Variants in JPT2 observed in about 807,000 individuals in gnomAD.
JPT2 encodes the protein Jupiter microtubule associated homolog 2.
Under a neutral mutation model 15.9 loss-of-function variants are expected in JPT2, and 9 were observed. That is an observed-to-expected ratio of 0.57 (90% confidence interval 0.34 to 0.99). The LOEUF is 0.99. JPT2 is among the 50% of genes least tolerant of loss of function. The pLI, the probability that JPT2 is intolerant of heterozygous loss-of-function variation, is 0.02. For synonymous variants in JPT2, 95 were observed against 91.7 expected, an observed-to-expected ratio of 1.04 and a Z score of -0.21; for missense variants, 267 against 252.1, an observed-to-expected ratio of 1.06 and a Z score of -0.40.
chr16:1,693,607 A>G (rs2037120258), intron 3 of JPT2, among the ~76,000 whole-genome samples: 1 of 152,158 alleles, frequency 6.6e-6, no homozygotes, highest in African/African-American at 2.4e-5. Context: ...AGAGGACTGT[A>G]GGACATCAGT....
At chr16:1,695,337 G>A (rs1162195235) in intron 3 of JPT2, among the ~76,000 whole-genome samples, 2 of 151,892 alleles carry the variant, frequency 1.3e-5, no homozygotes, top group East Asian at 1.9e-4. Context: ...CCCAGGAGGT[G>A]GAGGTTGCAG....
chr16:1,692,724 C>T (rs2037112751), intron 3 of JPT2, among the ~76,000 whole-genome samples: 1 of 152,168 alleles, frequency 6.6e-6, no homozygotes. Context: ...TAAGAAAGAC[C>T]AGGATTTATT....
chr16:1,690,424 A>G (rs1029274149), intron 2 of JPT2: 5 of 152,236 alleles, frequency 3.3e-5, no homozygotes, highest in African/African-American at 1.2e-4. Context: ...GCCTATATAA[A>G]TGAAACCCTA....
At position 1,700,494 on chromosome 16, in the gene JPT2, C is replaced by G. The variant is rs886802506; in HGVS notation, c.*1496C>G. On this transcript the variant is annotated 3_prime_UTR_variant, in exon 5 of 5. Transcript: ENST00000248098. ...ACTTCAGAAAAGCAGCAGCCATGTT[C>G]AGTCAGGCTCATGCTGCCTCACTGC... 9.9e-6 allele frequency: 2 copies of G among 202,248 alleles called. No homozygotes were observed. The highest frequency in any genetic ancestry group is 2.1e-5 in the Non-Finnish European group (2 of 93,286). The allele number at this position is 202,248 out of a possible 1,614,324, so 12.5% of individuals were successfully genotyped here. A position where few individuals can be genotyped will look rare whatever the true frequency, so the allele number is the denominator to read the frequency against.
chr16:1,700,098 C>T lies in JPT2; in HGVS notation c.*1100C>T, dbSNP rs2037170834. ...GAAAAAAGTCAATTGTTCAGGTACA[C>T]CAAAGAGGAAGAAGAGCTGTGGAGG... On this transcript the variant is annotated 3_prime_UTR_variant, in exon 5 of 5. Coordinates refer to ENST00000248098, the MANE Select transcript of JPT2 (RefSeq NM_144570.3). 1 of 454,870 alleles carries T rather than the reference C, an allele frequency of 2.2e-6. No homozygotes were observed. The highest frequency in any genetic ancestry group is 1.6e-5 in the South Asian group (1 of 64,508). The allele number at this position is 454,870 out of a possible 1,614,324, so 28.2% of individuals were successfully genotyped here.
intron 3 of JPT2, among the ~76,000 whole-genome samples, chr16:1,693,221 C>T (rs191087377): frequency 1.5e-3 from 232 of 152,242 alleles, no homozygotes; most frequent in Admixed American, 4.1e-3. Flanking sequence ...CTCAGCGTCC[C>T]GAGTAGCCAG....
At chr16:1,690,515 A>G (rs1013587654) in intron 2 of JPT2, 2 of 152,212 alleles carry the variant, frequency 1.3e-5, no homozygotes, top group South Asian at 2.1e-4. Flanking sequence ...TTACACATGA[A>G]TAAACTCTCT....
At chr16:1,696,132 G>A (rs1203326463) in intron 3 of JPT2, among the ~76,000 whole-genome samples, 1 of 152,156 alleles carries the variant, frequency 6.6e-6, no homozygotes, top group African/African-American at 2.4e-5. Context: ...GGAAGACTGA[G>A]GCAGAAGAAT....
chr16:1,697,922 G>C, intron 4 of JPT2, 62 bp downstream of exon 4: 1 of 1,451,960 alleles, frequency 6.9e-7, no homozygotes, highest in South Asian at 1.2e-5. Flanking sequence ...AGAGTTGCTA[G>C]TCTCTCCTCT....
chr16:1,690,533 A>G (rs1023686565), intron 2 of JPT2: 5 of 152,238 alleles, frequency 3.3e-5, no homozygotes, highest in Non-Finnish European at 5.9e-5. Context: ...TCTTTAAGTT[A>G]AATAAATCAA....
chr16:1,683,689 C>T (rs963109606), intron 1 of JPT2: 6 of 851,368 alleles, frequency 7.0e-6, no homozygotes, highest in Admixed American at 4.6e-5. Flanking sequence ...TGCTTTATAG[C>T]AGGAGATCTG....
rs901031047 is a variant in JPT2 at position 1,697,699 on chromosome 16, A to G, written c.337-113A>G. ...GATTGGGGGGGTCCTGAGGTCAGAT[A>G]TACAAGCATTTTTGTAAATTAAAAG... On this transcript the variant is annotated intron_variant, in intron 3 of 4. Transcript: ENST00000248098. 8.5e-6 allele frequency: 8 copies of G among 942,142 alleles called. No homozygotes were observed. The African/African-American group carries it at 1.3e-4, about 15-fold the overall frequency. The allele number at this position is 942,142 out of a possible 1,614,324, so 58.4% of individuals were successfully genotyped here.
intron 3 of JPT2, chr16:1,692,244 C>T (rs1418432920): frequency 7.8e-6 from 4 of 511,880 alleles, no homozygotes; most frequent in African/African-American, 1.9e-5. Flanking sequence ...CGGGCTGTGG[C>T]GGCTCCTCAC....
chr16:1,684,957 A>G (rs899700869), intron 1 of JPT2, among the ~76,000 whole-genome samples: 1 of 152,016 alleles, frequency 6.6e-6, no homozygotes, highest in African/African-American at 2.4e-5. Flanking sequence ...AAAGAGCAGC[A>G]GAAGTAGTCT....
rs555094881 is a variant in JPT2 at position 1,694,141 on chromosome 16, A to G, written c.336+2156A>G. Among the ~76,000 whole-genome samples, 3 of 152,350 alleles carry G rather than the reference A, an allele frequency of 2.0e-5. No homozygotes were observed. In the South Asian group the frequency reaches 6.2e-4, roughly 32 times the overall value. Reference sequence around the variant, plus strand: ...TTTCTGGGATGTAAGTGAAGAAGGAATAAAGGAATTAGAATATCACTGTTT... The same window carrying G: ...TTTCTGGGATGTAAGTGAAGAAGGAGTAAAGGAATTAGAATATCACTGTTT... On this transcript the variant is annotated intron_variant, in intron 3 of 4. Coordinates refer to ENST00000248098, the MANE Select transcript of JPT2 (RefSeq NM_144570.3).
chr16:1,678,679 G>T, intron 1 of JPT2, among the ~76,000 whole-genome samples: 1 of 152,178 alleles, frequency 6.6e-6, no homozygotes, highest in Non-Finnish European at 1.5e-5. Flanking sequence ...CCCGCGTTCC[G>T]TGTGGTGCGT....
At chr16:1,697,949 CT>C in intron 4 of JPT2, 89 bp downstream of exon 4, 1 of 1,204,764 alleles carries the variant, frequency 8.3e-7, no homozygotes, top group Non-Finnish European at 1.2e-6. Context: ...GAAAAGGAGT[CT>C]TTCTTTGCAC....
chr16:1,680,307 AT>A, intron 1 of JPT2: 1 of 997,138 alleles, frequency 1.0e-6, no homozygotes, highest in Non-Finnish European at 1.2e-6. Flanking sequence ...GATGGTGTTT[AT>A]TATCACCCTG....
intron 2 of JPT2, chr16:1,688,300 T>C (rs1047049180): frequency 6.6e-6 from 1 of 152,192 alleles, no homozygotes; most frequent in Non-Finnish European, 1.5e-5. Context: ...GCAGAGCTAG[T>C]CGGTAGCAGA....
Sources: allele counts gnomAD v4.1 joint callset (sites outside exome capture counted in the v4.1 genomes callset), GRCh38; gene constraint gnomAD v4.1.1; transcripts MANE v1.5; gene names NCBI Gene and HGNC (gene_info 2026-07-23, HGNC 2026-07-21).